Variants in SOX6 observed in about 807,000 individuals in gnomAD.
SOX6 encodes the protein transcription factor SOX-6.
Under a neutral mutation model 97.8 loss-of-function variants are expected in SOX6, and 11 were observed. The observed-to-expected ratio is 0.11, with a 90% CI of 0.07 to 0.19. The LOEUF is 0.19. Among genes scored for constraint, SOX6 ranks in the 10% least tolerant of loss-of-function variants. The probability of loss-of-function intolerance (pLI) is 1.00; values close to 1 mark genes in which losing one functional copy is unlikely to be tolerated. For missense variants in SOX6, 810 were observed against 1,039.5 expected (o/e 0.78, Z 3.04); for synonymous variants, 360 against 371.4 (o/e 0.97, Z 0.35).
At chr11:16,139,487 CATT>C (rs1247765064) in intron 6 of SOX6, among the ~76,000 whole-genome samples, 4 of 152,000 alleles carry the variant, frequency 2.6e-5, no homozygotes, top group Admixed American at 6.6e-5. Context: ...AGGATAAATC[CATT>C]ATTATCATTT....
chr11:16,058,555 G>C (rs1847873527), intron 9 of SOX6, among the ~76,000 whole-genome samples: 1 of 151,956 alleles, frequency 6.6e-6, no homozygotes, highest in African/African-American at 2.4e-5. Flanking sequence ...CTTTTTCATT[G>C]GGAAATCACA....
chr11:16,382,514 A>T (rs1001800452), intron 1 of SOX6: 2 of 152,024 alleles, frequency 1.3e-5, no homozygotes, highest in Admixed American at 1.3e-4. Context: ...ATTAATAAGG[A>T]GTGCTCTCTA....
intron 6 of SOX6, among the ~76,000 whole-genome samples, chr11:16,118,382 A>G (rs1849405071): frequency 6.6e-6 from 1 of 152,276 alleles, no homozygotes; most frequent in African/African-American, 2.4e-5. Flanking sequence ...CACATCTTTC[A>G]GAGAATCAAG....
chr11:16,578,072 T>C (rs1033817315), intron 4 of SOX6, among the ~76,000 whole-genome samples: 5 of 152,174 alleles, frequency 3.3e-5, no homozygotes, highest in African/African-American at 1.2e-4. Flanking sequence ...AGGTCTTTAA[T>C]TCATGTTGGG....
At chr11:16,132,452 G>GAAA (rs1183525323) in intron 6 of SOX6, among the ~76,000 whole-genome samples, 4 of 104,932 alleles carry the variant, frequency 3.8e-5, no homozygotes, top group African/African-American at 1.6e-4. Flanking sequence ...AAAAAAGAAA[G>GAAA]AAAGAAAGAA....
intron 9 of SOX6, among the ~76,000 whole-genome samples, chr11:16,077,699 T>A (rs970497102): frequency 6.6e-6 from 1 of 152,068 alleles, no homozygotes; most frequent in Non-Finnish European, 1.5e-5. Flanking sequence ...AGCAAACTAA[T>A]GCAGGAACAG....
rs139773406 is a variant in SOX6, at chr11:16,006,696, C to T, written c.1732+8246G>A. Among the ~76,000 whole-genome samples, 431 of 152,146 alleles carry T rather than the reference C, an allele frequency of 2.8e-3. 1 individual carries two copies. Among genetic ancestry groups the T allele is most frequent in the Non-Finnish European group, 2.6e-3 (176 of 67,972 alleles). ...TAGCAGTTCTTTTCTGTTTCTTTAA[C>T]GATGTACTTGAACATTTAATGCCTT... On this transcript the variant is annotated intron_variant, in intron 13 of 15. Coordinates refer to ENST00000683767, the MANE Select transcript of SOX6 (RefSeq NM_001367873.1).
intron 3 of SOX6, among the ~76,000 whole-genome samples, chr11:16,616,513 G>A (rs925007773): frequency 1.3e-5 from 2 of 151,670 alleles, no homozygotes; most frequent in Non-Finnish European, 2.9e-5. Context: ...CAATCATATT[G>A]GAGACTTTGC....
At chr11:16,077,223 A>G (rs1029369152) in intron 9 of SOX6, among the ~76,000 whole-genome samples, 2 of 152,190 alleles carry the variant, frequency 1.3e-5, no homozygotes, top group Non-Finnish European at 1.5e-5. Flanking sequence ...AATCCAAACC[A>G]TATCAATATC....
intron 6 of SOX6, among the ~76,000 whole-genome samples, chr11:16,183,225 G>A (rs6486276): frequency 0.58 from 87,269 of 151,724 alleles, 25,852 homozygotes; most frequent in East Asian, 0.75. Flanking sequence ...AAAGAATGTC[G>A]GAAATCAGAC....
chr11:16,494,655 T>C (rs939676633), intron 4 of SOX6, among the ~76,000 whole-genome samples: 3 of 151,702 alleles, frequency 2.0e-5, no homozygotes, highest in African/African-American at 7.3e-5. Flanking sequence ...TGAAATTCAA[T>C]AGGGAAGTAA....
In SOX6 at chr11:16,493,654, AG is replaced by A. The variant is rs778361581; in HGVS notation, n.610-17267del. On this transcript the variant is annotated intron_variant and non_coding_transcript_variant, in intron 4 of 5. Transcript: ENST00000524520. ...TTGGGTATTATATTCTATAATAAAA[AG>A]GTTAAAAACAAGTTTTTCTCGAATG... is the stretch of plus-strand genomic sequence containing the variant. Among the ~76,000 whole-genome samples the A allele has an allele frequency of 3.2e-4, 49 of 152,334 alleles. 1 individual carries two copies. The highest frequency in any genetic ancestry group is 7.8e-4 in the Admixed American group (12 of 15,300).
rs544829010 is a variant in SOX6 at position 16,610,300 on chromosome 11, A to G, written n.609+1781T>C. Among the ~76,000 whole-genome samples, 6 of 152,318 alleles carry G rather than the reference A, an allele frequency of 3.9e-5. No homozygotes were observed. Among genetic ancestry groups the G allele is most frequent in the Middle Eastern group, 3.4e-3 (1 of 294 alleles). ...AAGTCCTCAGGGAAGAGCCACCTAG[A>G]GAGGTGAAACATTAGGGACGGAAAG... On this transcript the variant is annotated intron_variant and non_coding_transcript_variant, in intron 4 of 5. Coordinates refer to the SOX6 transcript ENST00000524520. This position sits in a 1 kb window ranked among gnomAD's most constrained non-coding sequence, Gnocchi z 4.4.
intron 6 of SOX6, among the ~76,000 whole-genome samples, chr11:16,168,443 C>G (rs1850942883): frequency 6.6e-6 from 1 of 152,110 alleles, no homozygotes; most frequent in Non-Finnish European, 1.5e-5. Flanking sequence ...TTGTGACTCT[C>G]ATTTCTGAAG....
chr11:16,432,332 T>C (rs1442732890), intron 1 of SOX6, among the ~76,000 whole-genome samples: 1 of 152,126 alleles, frequency 6.6e-6, no homozygotes, highest in Non-Finnish European at 1.5e-5. Flanking sequence ...CAAAGGCATA[T>C]GCCAAGTTAA....
At chr11:16,331,405 G>A (rs1590131794) in intron 2 of SOX6, among the ~76,000 whole-genome samples, 2 of 152,078 alleles carry the variant, frequency 1.3e-5, no homozygotes, top group East Asian at 3.9e-4. Flanking sequence ...CAAGAGAACA[G>A]ATTGCTTTAT....
chr11:16,339,677 T>C (rs989451201), intron 2 of SOX6, among the ~76,000 whole-genome samples: 1 of 152,196 alleles, frequency 6.6e-6, no homozygotes, highest in Non-Finnish European at 1.5e-5. Context: ...CATGAAGGCA[T>C]GCATCATGTC....
chr11:16,021,877 T>C (rs915226852), intron 12 of SOX6, among the ~76,000 whole-genome samples: 6 of 152,100 alleles, frequency 3.9e-5, no homozygotes, highest in Non-Finnish European at 4.4e-5. Context: ...CAATGAGTAC[T>C]TCCTTTAATC....
intron 2 of SOX6, among the ~76,000 whole-genome samples, chr11:16,731,473 A>G (rs1848349623): frequency 6.6e-6 from 1 of 152,244 alleles, no homozygotes; most frequent in Non-Finnish European, 1.5e-5. Context: ...TCCATCGCAT[A>G]CACAGAACCA....
Sources: gnomAD v4.1 joint callset for allele counts (sites outside exome capture counted in the v4.1 genomes callset) on GRCh38, gnomAD v4.1.1 for gene constraint, Gnocchi (gnomAD v3.1) non-coding constraint, MANE v1.5 for transcripts, NCBI Gene and HGNC (gene_info 2026-07-23, HGNC 2026-07-21) for gene names.